Variants in ZP1 observed in about 807,000 individuals in gnomAD.
ZP1 encodes zona pellucida glycoprotein 1.
Under a neutral mutation model 67.4 loss-of-function variants are expected in ZP1, and 58 were observed. The ratio of observed to expected loss-of-function variants is 0.86; its 90% CI spans 0.70 to 1.07. The LOEUF is 1.07. Among genes scored for constraint, ZP1 ranks in the 50% least tolerant of loss-of-function variants. The pLI is 0.00. For synonymous variants in ZP1, 333 were observed against 332.7 expected, an observed-to-expected ratio of 1.00 and a Z score of -0.01; for missense variants, 759 against 807.3, an observed-to-expected ratio of 0.94 and a Z score of 0.72.
intron 6 of ZP1, among the ~76,000 whole-genome samples, chr11:60,872,611 A>G (rs1855595448): frequency 1.3e-5 from 2 of 152,218 alleles, no homozygotes. Context: ...ATGAAGACAC[A>G]GGTGCATTAT....
At position 60,867,589 on chromosome 11, in the gene ZP1, G is replaced by T. The variant is rs1217617790; in HGVS notation, c.28G>T (p.Gly10Cys). The T allele has an allele frequency of 1.2e-6, 2 of 1,612,874 alleles. No homozygotes were observed. Among genetic ancestry groups the T allele is most frequent in the African/African-American group, 2.7e-5 (2 of 74,926 alleles). ...GGCAGGAGGCTCAGCCACGACCTGGGGTTACCCTGTGGCCCTGCTACTGCT... is the reference window on the plus strand; with the variant it reads ...GGCAGGAGGCTCAGCCACGACCTGGTGTTACCCTGTGGCCCTGCTACTGCT... MAGGSATTWGYPVALLLLVA... is the reference protein window; with the variant it reads MAGGSATTWCYPVALLLLVA... The change falls in exon 1 of 12, where the codon GGT becomes TGT. Residue 10 changes from glycine to cysteine, a missense_variant. Physicochemically the swap from Gly to Cys is radical, Grantham distance 159 (BLOSUM62 -3). Coordinates refer to ENST00000278853, the MANE Select transcript of ZP1 (RefSeq NM_207341.4).
rs267603060 is a variant in ZP1, at chr11:60,873,683, G to A, written c.1480G>A (p.Gly494Arg). The change falls in exon 9 of 12, where the codon GGG becomes AGG. Residue 494 changes from glycine (G) to arginine (R), a missense_variant. Transcript: ENST00000278853. ...CAGAACCCAAATGGTAGCCTTGGAC[G>A]GGGCCACACCTTTCCAGTCGCACTA... ...SYRTQMVALDGATPFQSHYQR... is the reference protein window; with the variant it reads ...SYRTQMVALDRATPFQSHYQR... The A allele has an allele frequency of 1.2e-5, 20 of 1,614,026 alleles. No individual in the cohort carries two copies. Among genetic ancestry groups the A allele is most frequent in the Non-Finnish European group, 1.6e-5 (19 of 1,180,042 alleles).
chr11:60,873,333 G>A (rs1855621173), intron 7 of ZP1, 42 bp from the exon 8 acceptor site: 2 of 1,589,114 alleles, frequency 1.3e-6, no homozygotes, highest in Non-Finnish European at 1.7e-6. Flanking sequence ...CCACTTCCCT[G>A]ATGCACAGCC....
chr11:60,872,759 G>A (rs907573990), intron 6 of ZP1, among the ~76,000 whole-genome samples: 12 of 152,142 alleles, frequency 7.9e-5, no homozygotes, highest in Admixed American at 2.0e-4. Context: ...TCAAATCCAG[G>A]TCTGTCGGGA....
chr11:60,872,024 C>G (rs1043482164), intron 6 of ZP1, among the ~76,000 whole-genome samples: 1 of 152,086 alleles, frequency 6.6e-6, no homozygotes, highest in Non-Finnish European at 1.5e-5. Flanking sequence ...CCCGCCCTGC[C>G]GTGAGGGTTG....
intron 6 of ZP1, 72 bp from the exon 7 acceptor site, chr11:60,873,090 C>A: frequency 1.3e-6 from 2 of 1,496,470 alleles, no homozygotes; most frequent in Non-Finnish European, 1.8e-6. Context: ...GGAGTTGGTG[C>A]CTAGTTTATT....
chr11:60,871,089 C>T lies in ZP1; in HGVS notation c.959C>T (p.Thr320Met), dbSNP rs76136580. ...ACCAGCTGCTCCCCAACACAGCACA[C>T]GGAAGCTTTCGTGGTCTTCTACTTC... Reference protein sequence around the residue: ...APTSCSPTQHTEAFVVFYFPL... With the variant: ...APTSCSPTQHMEAFVVFYFPL... Residue 320 changes from threonine to methionine, a missense_variant, in exon 5 of 12, where the codon ACG (threonine) becomes ATG (methionine). Thr to Met is a moderately conservative substitution (Grantham distance 81). Coordinates refer to ENST00000278853, the MANE Select transcript of ZP1 (RefSeq NM_207341.4). 22 of 1,614,218 alleles carry T rather than the reference C, an allele frequency of 1.4e-5. No individual in the cohort carries two copies. The highest frequency in any genetic ancestry group is 4.5e-5 in the East Asian group (2 of 44,890).
At chr11:60,870,107 A>G (rs1167017760) in intron 3 of ZP1, among the ~76,000 whole-genome samples, 1 of 152,202 alleles carries the variant, frequency 6.6e-6, no homozygotes. Context: ...AGGTCTTGTA[A>G]ATTTGTTTCC....
In ZP1 at chr11:60,873,186, C is replaced by T. The variant is rs780482209; in HGVS notation, c.1137C>T (p.Asn379=). The T allele has an allele frequency of 1.4e-5, 22 of 1,602,768 alleles. No homozygotes were observed. The highest frequency in any genetic ancestry group is 1.7e-4 in the Middle Eastern group (1 of 5,992). Residue 379 remains asparagine, a synonymous_variant, in exon 7 of 12, where the codon AAC becomes AAT. Transcript: ENST00000278853. ...TFQLHVRCVF[N]ASDFLPIQAS... is the part of the protein sequence containing the mutation. ...GGCTTCATGTGCGCTGTGTCTTCAA[C>T]GCCAGTGACTTCCTGCCCATTCAGG...
chr11:60,869,469 G>A, intron 2 of ZP1, 68 bp from the exon 3 acceptor site: 1 of 1,543,414 alleles, frequency 6.5e-7, no homozygotes, highest in Non-Finnish European at 8.7e-7. Context: ...GCTCTCGTGG[G>A]CCCGTCCCCT....
At chr11:60,868,514 CCT>C (rs1428985992) in intron 1 of ZP1, among the ~76,000 whole-genome samples, 1 of 152,178 alleles carries the variant, frequency 6.6e-6, no homozygotes, top group Non-Finnish European at 1.5e-5. Flanking sequence ...GACTCATAAG[CCT>C]CTGTTTCCTC....
In ZP1 at chr11:60,867,765, C is replaced by T. The variant is rs1197989499; in HGVS notation, c.196+8C>T. 4 of 1,611,272 alleles carry T rather than the reference C, an allele frequency of 2.5e-6. No homozygotes were observed. In the African/African-American group the frequency reaches 5.3e-5, roughly 22 times the overall value. On this transcript the variant is annotated splice_region_variant and intron_variant, in intron 1 of 11. Coordinates refer to ENST00000278853, the MANE Select transcript of ZP1 (RefSeq NM_207341.4). Reference sequence around the variant, plus strand: ...TCCGCTTCAAGGTGGTGGGTGAGTGCTGGCAGAGTCCTGGCCCCTGCCTCC... The same window carrying T: ...TCCGCTTCAAGGTGGTGGGTGAGTGTTGGCAGAGTCCTGGCCCCTGCCTCC...
chr11:60,874,501 A>C (rs902904897), intron 9 of ZP1, among the ~76,000 whole-genome samples: 4 of 152,142 alleles, frequency 2.6e-5, no homozygotes, highest in Non-Finnish European at 5.9e-5. Context: ...GAGGGCAAAC[A>C]TCTATTATCC....
In ZP1 at chr11:60,873,406, T is replaced by C; in HGVS notation, c.1272T>C (p.Asp424=). 2.5e-6 allele frequency: 4 copies of C among 1,610,864 alleles called. No individual in the cohort carries two copies. The South Asian group carries it at 3.3e-5, about 13-fold the overall frequency. Residue 424 remains aspartate, a synonymous_variant, in exon 8 of 12, where the codon GAT becomes GAC. Transcript: ENST00000278853. ...DETFSSYYGE[D]DYPIVRLLRE... The stretch of plus-strand genomic sequence containing the variant: ...CCTTCAGCTCGTACTATGGGGAGGA[T>C]GACTATCCCATCGTGAGGCTGCTCC...
rs1048193638 is a variant in ZP1 at position 60,875,495 on chromosome 11, A to C, written c.1775-19A>C. 6.2e-7 allele frequency: 1 copy of C among 1,613,356 alleles called. No homozygotes were observed. The highest frequency in any genetic ancestry group is 1.3e-5 in the African/African-American group (1 of 74,936). On this transcript the variant is annotated intron_variant, in intron 11 of 11. Coordinates refer to ENST00000278853, the MANE Select transcript of ZP1 (RefSeq NM_207341.4). Reference sequence around the variant, plus strand: ...TGGAGGGGCCTCACCCAGCCCTGCCAATCCCGTCTCTCTGACAGACTCCAA... The same window carrying C: ...TGGAGGGGCCTCACCCAGCCCTGCCCATCCCGTCTCTCTGACAGACTCCAA...
At position 60,875,179 on chromosome 11, in the gene ZP1, A is replaced by G. The variant is rs200866119; in HGVS notation, c.1705A>G (p.Ile569Val). Residue 569 changes from isoleucine to valine, a missense_variant, in exon 11 of 12, where the codon ATC becomes GTC. By Grantham distance (29) the Ile-to-Val change is conservative. Coordinates refer to ENST00000278853, the MANE Select transcript of ZP1 (RefSeq NM_207341.4). ...HRNDTARPQD[I>V]VSSPGPVGFE... ...TAATGACACTGCCAGGCCCCAGGACATCGTGAGCTCTCCGGGGCCAGTGGG... is the reference window on the plus strand; with the variant it reads ...TAATGACACTGCCAGGCCCCAGGACGTCGTGAGCTCTCCGGGGCCAGTGGG... The G allele has an allele frequency of 6.2e-6, 10 of 1,613,884 alleles. No homozygotes were observed. The Admixed American group carries it at 1.3e-4, about 22-fold the overall frequency.
Position 60,869,598 on chromosome 11 carries a change from T to C in ZP1, c.380T>C (p.Val127Ala), listed in dbSNP as rs1855528115. 1 of 1,613,868 alleles carries C rather than the reference T, an allele frequency of 6.2e-7. No individual in the cohort carries two copies. Among genetic ancestry groups the C allele is most frequent in the African/African-American group, 1.3e-5 (1 of 74,902 alleles). Residue 127 changes from valine (V) to alanine (A), a missense_variant, in exon 3 of 12, where the codon GTG becomes GCG. Transcript: ENST00000278853. ...GTGCTGCCCAATGGTCGTGTGGATG[T>C]GGCACAAGACGCTACTCTGATCTGT... is the stretch of plus-strand genomic sequence containing the variant. ...EAVLPNGRVD[V>A]AQDATLICPK...
intron 2 of ZP1, 127 bp downstream of exon 2, chr11:60,869,393 C>A: frequency 2.0e-6 from 3 of 1,508,972 alleles, no homozygotes; most frequent in Admixed American, 4.3e-5. Context: ...GTGAGGGAAA[C>A]TAAGCTCTGG....
chr11:60,868,581 G>A (rs1007906198), intron 1 of ZP1, among the ~76,000 whole-genome samples: 11 of 152,348 alleles, frequency 7.2e-5, no homozygotes, highest in Middle Eastern at 3.4e-3. Context: ...AGGGCATGGG[G>A]ACATGCCCAC....
Sources: gnomAD v4.1 joint callset for allele counts (sites outside exome capture counted in the v4.1 genomes callset) on GRCh38, gnomAD v4.1.1 for gene constraint, MANE v1.5 for transcripts, NCBI Gene and HGNC (gene_info 2026-07-23, HGNC 2026-07-21) for gene names.